PSTPIP2: variants seen among roughly 807,000 people sequenced by gnomAD.
The protein encoded by PSTPIP2 is proline-serine-threonine phosphatase-interacting protein 2.
In PSTPIP2, 33 loss-of-function variants were observed where a neutral mutation model predicts 63.3. That is an observed-to-expected ratio of 0.52 (90% confidence interval 0.40 to 0.70). PSTPIP2 has a LOEUF of 0.70. Ranked by LOEUF, PSTPIP2 falls within the 30% of genes least tolerant of loss-of-function variation. The pLI, the probability that PSTPIP2 is intolerant of heterozygous loss-of-function variation, is 0.00. For missense variants in PSTPIP2, 312 were observed against 400.7 expected (o/e 0.78, Z 1.89); for synonymous variants, 125 against 132.7 (o/e 0.94, Z 0.40).
chr18:46,033,681 G>C (rs1192846367), intron 2 of PSTPIP2, among the ~76,000 whole-genome samples: 1 of 142,862 alleles, frequency 7.0e-6, no homozygotes, highest in Admixed American at 7.3e-5. Context: ...CTGGGGGACA[G>C]AGTGAGACTC....
intron 3 of PSTPIP2, among the ~76,000 whole-genome samples, chr18:46,023,643 TATACAATTTTAG>T (rs1195257356): frequency 6.6e-6 from 1 of 152,048 alleles, no homozygotes; most frequent in African/African-American, 2.4e-5. Context: ...TTCTATTTTA[TATACAATTTTAG>T]ATATATAATT....
At chr18:46,036,639 C>G (rs1167377104) in intron 2 of PSTPIP2, among the ~76,000 whole-genome samples, 2 of 152,226 alleles carry the variant, frequency 1.3e-5, no homozygotes, top group African/African-American at 4.8e-5. Context: ...GGTGATTGTT[C>G]TGTCCAACCC....
At chr18:46,058,357 TTTG>T (rs1320331091) in intron 1 of PSTPIP2, among the ~76,000 whole-genome samples, 1 of 152,050 alleles carries the variant, frequency 6.6e-6, no homozygotes, top group African/African-American at 2.4e-5. Flanking sequence ...CTAGTTTTTT[TTTG>T]TTTTTTGTTT....
At chr18:46,035,282 T>G (rs910859684) in intron 2 of PSTPIP2, among the ~76,000 whole-genome samples, 2 of 151,486 alleles carry the variant, frequency 1.3e-5, no homozygotes, top group Non-Finnish European at 2.9e-5. Context: ...TTAGCTGGGG[T>G]GGTGGTACAT....
At chr18:46,058,589 G>C (rs1908862557) in intron 1 of PSTPIP2, among the ~76,000 whole-genome samples, 1 of 152,136 alleles carries the variant, frequency 6.6e-6, no homozygotes, top group African/African-American at 2.4e-5. Context: ...TCAAACTCCT[G>C]ACCTCGTGAT....
intron 2 of PSTPIP2, among the ~76,000 whole-genome samples, chr18:46,036,146 ATAT>A (rs1238858189): frequency 5.4e-5 from 8 of 148,902 alleles, no homozygotes; most frequent in South Asian, 2.1e-4. Flanking sequence ...ATATTAATTA[ATAT>A]TATAATATTA....
intron 1 of PSTPIP2, among the ~76,000 whole-genome samples, chr18:46,058,476 G>T (rs1490661951): frequency 1.3e-5 from 2 of 151,656 alleles, no homozygotes; most frequent in Non-Finnish European, 2.9e-5. Context: ...CCTGCCTCAG[G>T]CTCCTGAGTA....
intron 1 of PSTPIP2, among the ~76,000 whole-genome samples, chr18:46,052,486 C>T (rs1024397667): frequency 9.9e-5 from 15 of 152,130 alleles, no homozygotes; most frequent in African/African-American, 3.4e-4. Flanking sequence ...GGATGCATTT[C>T]ACAGCTGCTA....
chr18:46,017,757 C>T (rs149491145), intron 3 of PSTPIP2, among the ~76,000 whole-genome samples: 114 of 152,182 alleles, frequency 7.5e-4, no homozygotes, highest in African/African-American at 2.6e-3. Flanking sequence ...TGTACTTACA[C>T]TTTTTGTGAT....
At chr18:45,988,261 G>C (rs1238810687) in intron 14 of PSTPIP2, among the ~76,000 whole-genome samples, 1 of 151,438 alleles carries the variant, frequency 6.6e-6, no homozygotes, top group African/African-American at 2.4e-5. Flanking sequence ...GTGAAGCCCT[G>C]TTTCTACTGA....
intron 3 of PSTPIP2, among the ~76,000 whole-genome samples, chr18:46,018,823 G>A (rs1321108339): frequency 6.6e-6 from 1 of 152,124 alleles, no homozygotes; most frequent in Non-Finnish European, 1.5e-5. Context: ...GGCCTGGAAC[G>A]ATTTTCCTTA....
At chr18:46,024,522 A>T in intron 3 of PSTPIP2, 87 bp downstream of exon 3, 1 of 1,184,370 alleles carries the variant, frequency 8.4e-7, no homozygotes. Flanking sequence ...GCATACTTCA[A>T]CCTCCTGGTA....
intron 1 of PSTPIP2, among the ~76,000 whole-genome samples, chr18:46,042,075 C>T (rs528857058): frequency 1.8e-4 from 27 of 152,150 alleles, no homozygotes; most frequent in South Asian, 4.1e-4. Context: ...ACTTGGCACC[C>T]TAACAAGCCA....
At chr18:46,014,020 AAAG>A (rs1216013677) in intron 4 of PSTPIP2, among the ~76,000 whole-genome samples, 1 of 150,706 alleles carries the variant, frequency 6.6e-6, no homozygotes, top group Non-Finnish European at 1.5e-5. Context: ...GGAGAGGAGT[AAAG>A]AAGGGATCTT....
chr18:45,997,393 T>C (rs1014938712), intron 9 of PSTPIP2, among the ~76,000 whole-genome samples: 1 of 152,106 alleles, frequency 6.6e-6, no homozygotes, highest in East Asian at 1.9e-4. Flanking sequence ...TTCACCATGT[T>C]GGCCAGATGG....
chr18:46,032,004 C>T (rs1907802686), intron 2 of PSTPIP2, among the ~76,000 whole-genome samples: 1 of 152,148 alleles, frequency 6.6e-6, no homozygotes, highest in African/African-American at 2.4e-5. Context: ...AAATGGGAAG[C>T]AATGGGTCCA....
intron 2 of PSTPIP2, among the ~76,000 whole-genome samples, chr18:46,024,908 A>G (rs769714183): frequency 1.3e-5 from 2 of 152,202 alleles, no homozygotes; most frequent in African/African-American, 2.4e-5. Context: ...GGAAGTCCCT[A>G]ACATGGACAT....
chr18:46,066,532 G>A (rs568847230), intron 1 of PSTPIP2, among the ~76,000 whole-genome samples: 1 of 152,260 alleles, frequency 6.6e-6, no homozygotes, highest in East Asian at 1.9e-4. Flanking sequence ...GTGGGGAATG[G>A]AGAAGAAGTT....
chr18:46,063,928 T>G (rs1445363733), intron 1 of PSTPIP2, among the ~76,000 whole-genome samples: 1 of 152,234 alleles, frequency 6.6e-6, no homozygotes, highest in Non-Finnish European at 1.5e-5. Context: ...TCATCCTGGT[T>G]CTACATATCA....
Sources: gnomAD v4.1 joint callset for allele counts (sites outside exome capture counted in the v4.1 genomes callset) on GRCh38, gnomAD v4.1.1 for gene constraint, MANE v1.5 for transcripts, NCBI Gene and HGNC (gene_info 2026-07-23, HGNC 2026-07-21) for gene names.